The following POLG variants were observed in gnomAD, a reference collection of about 807,000 sequenced individuals.
The protein encoded by POLG is DNA polymerase gamma, catalytic subunit.
In POLG, 110 loss-of-function variants were observed where a neutral mutation model predicts 155.4. The observed-to-expected ratio is 0.71, with a 90% CI of 0.61 to 0.83. The LOEUF (loss-of-function observed/expected upper bound fraction) is 0.83. Among genes scored for constraint, POLG ranks in the 40% least tolerant of loss-of-function variants. The pLI is 0.00. For missense variants in POLG, 1,685 were observed against 1,627.5 expected (o/e 1.04, Z -0.61); for synonymous variants, 701 against 631.5 (o/e 1.11, Z -1.65).
At chr15:89,323,703 C>G in intron 12 of POLG, 112 bp downstream of exon 12, 2 of 989,580 alleles carry the variant, frequency 2.0e-6, no homozygotes, top group Non-Finnish European at 3.3e-6. Flanking sequence ...AGGGTGGCAT[C>G]TCCAACCCCC....
chr15:89,329,194 C>T, intron 3 of POLG, 84 bp from the exon 4 acceptor site: 5 of 1,196,404 alleles, frequency 4.2e-6, no homozygotes, highest in Non-Finnish European at 6.0e-6. Flanking sequence ...TGGTGTGGAC[C>T]TCCAGCCCCA....
chr15:89,320,717 G>C, intron 18 of POLG, 49 bp downstream of exon 18: 1 of 1,605,994 alleles, frequency 6.2e-7, no homozygotes. Context: ...GGACAGTAAA[G>C]CAGGCCTCGG....
chr15:89,334,207 G>C (rs1289451090), intron 1 of POLG, among the ~76,000 whole-genome samples: 1 of 152,246 alleles, frequency 6.6e-6, no homozygotes, highest in Non-Finnish European at 1.5e-5. Flanking sequence ...CTCGAGCTGT[G>C]TGACCTTGGG....
At position 89,330,286 on chromosome 15, in the gene POLG, G is replaced by A. The variant is rs1335307121; in HGVS notation, c.660-10C>T. On this transcript the variant is annotated splice_polypyrimidine_tract_variant and intron_variant, in intron 2 of 22. Coordinates refer to ENST00000268124, the MANE Select transcript of POLG (RefSeq NM_002693.3). ...GCTGCACCAGGAATACCTGAGGGAG[G>A]TGAGAGGCAGGCAGGTTCACCATGG... The A allele has an allele frequency of 6.2e-6, 10 of 1,606,150 alleles. No homozygotes were observed. The highest frequency in any genetic ancestry group is 8.5e-6 in the Non-Finnish European group (10 of 1,178,030).
chr15:89,333,265 G>T lies in POLG; in HGVS notation c.490C>A (p.Pro164Thr). 4 of 1,561,482 alleles carry T rather than the reference G, an allele frequency of 2.6e-6. No individual in the cohort carries two copies. Among genetic ancestry groups the T allele is most frequent in the Non-Finnish European group, 2.6e-6 (3 of 1,152,124 alleles). Residue 164 changes from proline to threonine, a missense_variant, in exon 2 of 23, where the codon CCG (proline) becomes ACG (threonine). Pro to Thr is a conservative substitution (Grantham distance 38). Around this residue, in one of 3 missense-constraint regions of POLG, gnomAD observed 1,210 missense variants for 1,167.1 expected, o/e 1.04. Coordinates refer to ENST00000268124, the MANE Select transcript of POLG (RefSeq NM_002693.3). ...ANLLLQAQLPPKPPAWAWAEG... is the reference protein window; with the variant it reads ...ANLLLQAQLPTKPPAWAWAEG... ...GCCCAGGCCCAAGCCGGGGGCTTCG[G>T]GGGCAGCTGGGCCTGCAACAGCAAG...
intron 10 of POLG, among the ~76,000 whole-genome samples, chr15:89,325,171 AG>A (rs2055481491): frequency 1.7e-5 from 1 of 58,574 alleles, no homozygotes; most frequent in Admixed American, 1.4e-4. Flanking sequence ...AGTGAGTGAG[AG>A]AGTGAGAGAG....
At chr15:89,324,031 C>T (rs1227319601) in intron 11 of POLG, 76 bp downstream of exon 11, 19 of 1,602,458 alleles carry the variant, frequency 1.2e-5, no homozygotes, top group Non-Finnish European at 1.6e-5. Context: ...AGCCTCCCAC[C>T]CAAAGGCTGC....
chr15:89,328,485 G>A lies in POLG; in HGVS notation c.1221C>T (p.Phe407=). The A allele has an allele frequency of 6.2e-7, 1 of 1,613,868 alleles. No homozygotes were observed. The change falls in exon 6 of 23, where the codon TTC becomes TTT. Residue 407 remains phenylalanine (F), a synonymous_variant. Coordinates refer to ENST00000268124, the MANE Select transcript of POLG (RefSeq NM_002693.3). The part of the protein sequence containing the change: ...AQDVWATHEV[F]QQQLPLFLER... ...CCAAGAAGAGCGGTAGCTGCTGCTGGAAAACCTCATGGGTGGCCCACACGT... is the reference window on the plus strand; with the variant it reads ...CCAAGAAGAGCGGTAGCTGCTGCTGAAAAACCTCATGGGTGGCCCACACGT...
chr15:89,319,208 A>C lies in POLG; in HGVS notation c.3104+20T>G. The C allele has an allele frequency of 6.2e-7, 1 of 1,614,170 alleles. No individual in the cohort carries two copies. The highest frequency in any genetic ancestry group is 1.1e-5 in the South Asian group (1 of 91,076). On this transcript the variant is annotated intron_variant, in intron 19 of 22. Coordinates refer to ENST00000268124, the MANE Select transcript of POLG (RefSeq NM_002693.3). ...AGCCCAGACCCCTCCCTCCATCCTT[A>C]ACACAAAGAAGGTTCTTACTTCCTT... is the stretch of plus-strand genomic sequence containing the variant.
rs1331437529 is a variant in POLG, at chr15:89,325,037, AGAGTGAGTGAGTGAGTGAGAGAGTGAGT to A, written c.1949+385_1949+412del. 2.3e-3 allele frequency among the ~76,000 whole-genome samples: 163 copies of A among 70,838 alleles called. 7 individuals are homozygous for A. The East Asian group carries it at 0.036, about 16-fold the overall frequency. The allele number at this position is 70,838 out of a possible 152,430, so 46.5% of individuals were successfully genotyped here. ...CATGGAAGAAAAAACCTGAACCCAG[AGAGTGAGTGAGTGAGTGAGAGAGTGAGT>A]GAGTGAGTGAGTGAGTGAGAGAGTG... On this transcript the variant is annotated intron_variant, in intron 10 of 22. Coordinates refer to ENST00000268124, the MANE Select transcript of POLG (RefSeq NM_002693.3).
Position 89,333,153 on chromosome 15 carries a change from A to T in POLG, c.602T>A (p.Val201Asp). 1 of 1,540,144 alleles carries T rather than the reference A, an allele frequency of 6.5e-7. No individual in the cohort carries two copies. Among genetic ancestry groups the T allele is most frequent in the Non-Finnish European group, 8.7e-7 (1 of 1,143,192 alleles). Residue 201 changes from valine (V) to aspartate (D), a missense_variant, in exon 2 of 23, where the codon GTC (valine) becomes GAC (aspartate). Around this residue, in one of 3 missense-constraint regions of POLG, gnomAD observed 1,210 missense variants for 1,167.1 expected, o/e 1.04. Transcript: ENST00000268124. ...EERALVFDVE[V>D]CLAEGTCPTL... ...GGGGCAAGTTCCCTCTGCCAAGCAG[A>T]CCTCCACGTCGAACACCAGGGCCCG...
At chr15:89,329,939 A>G in intron 3 of POLG, 142 bp downstream of exon 3, 1 of 746,404 alleles carries the variant, frequency 1.3e-6, no homozygotes, top group South Asian at 1.5e-5. Flanking sequence ...CCAGAGGCAC[A>G]GCTGGTCAAC....
chr15:89,316,660 T>C lies in POLG; in HGVS notation c.*91A>G. On this transcript the variant is annotated 3_prime_UTR_variant, in exon 23 of 23. Transcript: ENST00000268124. ...AATGGCTGGCCTTAGGCAAGCCCTTTTGCAAAAAGCACAGCTGAAAGCCTG... is the reference window on the plus strand; with the variant it reads ...AATGGCTGGCCTTAGGCAAGCCCTTCTGCAAAAAGCACAGCTGAAAGCCTG... The C allele has an allele frequency of 4.0e-6, 5 of 1,254,088 alleles. No individual in the cohort carries two copies. The highest frequency in any genetic ancestry group is 5.8e-6 in the Non-Finnish European group (5 of 855,468). The allele number at this position is 1,254,088 out of a possible 1,614,324, so 77.7% of individuals were successfully genotyped here. A position where few individuals can be genotyped will look rare whatever the true frequency, so the allele number is the denominator to read the frequency against.
intron 22 of POLG, chr15:89,317,064 C>T (rs2055292561): frequency 1.7e-6 from 1 of 590,192 alleles, no homozygotes; most frequent in Admixed American, 3.0e-5. Flanking sequence ...ATTTAAAGCA[C>T]AGTTTGTTTT....
intron 10 of POLG, among the ~76,000 whole-genome samples, chr15:89,324,880 A>G (rs2055449097): frequency 6.6e-6 from 1 of 152,216 alleles, no homozygotes; most frequent in Admixed American, 6.5e-5. Flanking sequence ...TGCTACTTGT[A>G]ACAGCCCTCC....
rs1378085314 is a variant in POLG at position 89,326,659 on chromosome 15, G to A, written c.1665C>T (p.Thr555=). ...ARACLQKLKG[T]TELLPKRPQH... is the part of the protein sequence containing the mutation. ...GGGGCCGCTTGGGCAGGAGCTCTGTGGTCCCCTTCAGCTTCTGCAAGCAGG... is the reference window on the plus strand; with the variant it reads ...GGGGCCGCTTGGGCAGGAGCTCTGTAGTCCCCTTCAGCTTCTGCAAGCAGG... The change falls in exon 9 of 23, where the codon ACC becomes ACT. Residue 555 remains threonine (T), a synonymous_variant. Transcript: ENST00000268124. 2.5e-6 allele frequency: 4 copies of A among 1,613,980 alleles called. No individual in the cohort carries two copies. Among genetic ancestry groups the A allele is most frequent in the East Asian group, 4.5e-5 (2 of 44,888 alleles).
intron 15 of POLG, 37 bp from the exon 16 acceptor site, chr15:89,321,890 G>A: frequency 6.2e-7 from 1 of 1,605,832 alleles, no homozygotes. Context: ...GGTCTTAGCA[G>A]GGTGCTTTGG....
intron 1 of POLG, 166 bp from the exon 2 acceptor site, chr15:89,334,079 G>A: frequency 2.5e-6 from 1 of 403,718 alleles, no homozygotes. Flanking sequence ...ACCCCTCCTG[G>A]GGGAACCGGG....
In POLG at chr15:89,324,200, G is replaced by A. The variant is rs62640030; in HGVS notation, c.1977C>T (p.His659=). The change falls in exon 11 of 23, where the codon CAC becomes CAT. Residue 659 remains histidine (H), a synonymous_variant. Coordinates refer to ENST00000268124, the MANE Select transcript of POLG (RefSeq NM_002693.3). ...GCTGCTGCTTCCCCTGTTCGAGACA[G>A]TGCTTCCTGTACAGGGACTCGATGG... The part of the protein sequence containing the change: ...YRAIESLYRK[H]CLEQGKQQLM... 20 of 1,613,352 alleles carry A rather than the reference G, an allele frequency of 1.2e-5. No individual in the cohort carries two copies. The African/African-American group carries it at 2.4e-4, about 19-fold the overall frequency.
Sources: allele counts gnomAD v4.1 joint callset (sites outside exome capture counted in the v4.1 genomes callset), GRCh38; gene constraint gnomAD v4.1.1; regional missense constraint gnomAD v4.1.1; transcripts MANE v1.5; gene names NCBI Gene and HGNC (gene_info 2026-07-23, HGNC 2026-07-21).